The following GFM1 variants were observed in gnomAD, a reference collection of about 807,000 sequenced individuals.
GFM1 encodes elongation factor G, mitochondrial.
A neutral mutation model predicts 96.2 loss-of-function variants in GFM1; 62 were observed. That is an observed-to-expected ratio of 0.64 (90% confidence interval 0.53 to 0.80). The LOEUF (loss-of-function observed/expected upper bound fraction) is 0.80, where lower values mean the gene tolerates loss of function less well. Ranked by LOEUF, GFM1 falls within the 30% of genes least tolerant of loss-of-function variation. The pLI is 0.00. For missense variants in GFM1, 852 were observed against 916.6 expected, an observed-to-expected ratio of 0.93 and a Z score of 0.91; for synonymous variants, 282 against 312.9, an observed-to-expected ratio of 0.90 and a Z score of 1.04.
intron 13 of GFM1, chr3:158,672,579 G>A: frequency 6.8e-7 from 1 of 1,481,102 alleles, no homozygotes; most frequent in Non-Finnish European, 9.2e-7. Flanking sequence ...GGTTGCCGAG[G>A]CGGAAAAGTC....
chr3:158,673,510 T>TTTC (rs201709894), intron 13 of GFM1, among the ~76,000 whole-genome samples: 107 of 128,128 alleles, frequency 8.4e-4, no homozygotes, highest in African/African-American at 2.5e-3. Context: ...TTTCTTTTCT[T>TTTC]TTTTTTTTTT....
chr3:158,690,953 A>G (rs1319800947), intron 16 of GFM1, among the ~76,000 whole-genome samples, 186 bp from the exon 17 acceptor site: 1 of 152,220 alleles, frequency 6.6e-6, no homozygotes, highest in East Asian at 1.9e-4. Context: ...AAATGAAATA[A>G]TTTTCAAATA....
intron 13 of GFM1, among the ~76,000 whole-genome samples, chr3:158,670,268 C>A (rs1425001679): frequency 6.6e-6 from 1 of 152,158 alleles, no homozygotes; most frequent in Non-Finnish European, 1.5e-5. Context: ...ACTGAAAGAT[C>A]TTCATCTGAA....
chr3:158,648,715 C>G (rs1490618973), intron 4 of GFM1, among the ~76,000 whole-genome samples: 1 of 149,008 alleles, frequency 6.7e-6, no homozygotes, highest in Non-Finnish European at 1.5e-5. Flanking sequence ...GTGGGCTCAG[C>G]TATCCTACTA....
rs1576745248 is a variant in GFM1 at position 158,658,982 on chromosome 3, GACACCATCTATA to G, written c.1149_1160del (p.Ile384_Thr387del). ...TTATCAGGGAGAGCTAAAGAAGGGT[GACACCATCTATA>G]ACACAAGGACAAGAAAGAAAGTACG... On this transcript the variant is annotated inframe_deletion, in exon 9 of 18. Coordinates refer to ENST00000486715, the MANE Select transcript of GFM1 (RefSeq NM_024996.7). 1 of 1,614,106 alleles carries G rather than the reference GACACCATCTATA, an allele frequency of 6.2e-7. No homozygotes were observed.
intron 13 of GFM1, among the ~76,000 whole-genome samples, chr3:158,667,528 A>G (rs1485274694): frequency 1.6e-4 from 25 of 152,258 alleles, no homozygotes; most frequent in Admixed American, 1.6e-3. Context: ...GCTCACACCT[A>G]TAATCCGAGC....
In GFM1 at chr3:158,653,198, C is replaced by T. The variant is rs149472638; in HGVS notation, c.841-112C>T. Reference sequence around the variant, plus strand: ...ACCTGATTTTAGTCTCTATTAGAGTCAGCACTCCAAAGAGTAGAGTATCAG... The same window carrying T: ...ACCTGATTTTAGTCTCTATTAGAGTTAGCACTCCAAAGAGTAGAGTATCAG... On this transcript the variant is annotated intron_variant, in intron 6 of 17. Coordinates refer to ENST00000486715, the MANE Select transcript of GFM1 (RefSeq NM_024996.7). 4.1e-4 allele frequency: 341 copies of T among 830,800 alleles called. 4 individuals are homozygous for T. The East Asian group carries it at 8.2e-3, about 20-fold the overall frequency. 51.5% of individuals were successfully genotyped at this position (830,800 alleles called of 1,614,324 possible).
intron 13 of GFM1, chr3:158,672,524 G>C (rs1724441370): frequency 5.6e-6 from 9 of 1,609,440 alleles, no homozygotes; most frequent in Non-Finnish European, 7.6e-6. Context: ...CTGGCTTAAC[G>C]GGACCAGTAG....
chr3:158,680,491 G>A (rs9842500), intron 13 of GFM1, among the ~76,000 whole-genome samples: 6 of 151,674 alleles, frequency 4.0e-5, no homozygotes, highest in Non-Finnish European at 1.5e-5. Context: ...TAGCACCTTC[G>A]GTTAGCTTTT....
At chr3:158,670,325 C>T (rs992558367) in intron 13 of GFM1, among the ~76,000 whole-genome samples, 5 of 152,144 alleles carry the variant, frequency 3.3e-5, no homozygotes, top group Non-Finnish European at 4.4e-5. Context: ...TCTAAGAGCA[C>T]GTTCTTTCTC....
At chr3:158,669,110 T>C (rs1216976343) in intron 13 of GFM1, 1 of 1,613,496 alleles carries the variant, frequency 6.2e-7, no homozygotes, top group African/African-American at 1.3e-5. Context: ...GCGTCATTTC[T>C]GGAGATACAT....
chr3:158,659,846 A>C (rs1301877954), intron 9 of GFM1, among the ~76,000 whole-genome samples: 3 of 152,218 alleles, frequency 2.0e-5, no homozygotes, highest in Admixed American at 6.5e-5. Flanking sequence ...AAAACCCGAC[A>C]GCGTTGCTGT....
At chr3:158,675,380 T>C (rs1724803426) in intron 13 of GFM1, among the ~76,000 whole-genome samples, 1 of 151,228 alleles carries the variant, frequency 6.6e-6, no homozygotes, top group African/African-American at 2.4e-5. Context: ...GTTTATAAAT[T>C]ATATTTTTAA....
Position 158,665,358 on chromosome 3 carries a change from A to C in GFM1, c.1402A>C (p.Lys468Gln). 2.5e-6 allele frequency: 4 copies of C among 1,611,252 alleles called. No individual in the cohort carries two copies. In the South Asian group the frequency reaches 3.3e-5, roughly 13 times the overall value. The change falls in exon 12 of 18, where the codon AAA becomes CAA. Residue 468 changes from lysine (K) to glutamine (Q), a missense_variant. Physicochemically the swap from Lys to Gln is moderately conservative, Grantham distance 53. Coordinates refer to ENST00000486715, the MANE Select transcript of GFM1 (RefSeq NM_024996.7). Reference protein sequence around the residue: ...SNKNDLEKFSKGIGRFTREDP... With the variant: ...SNKNDLEKFSQGIGRFTREDP... ...AAAGAACGATCTGGAAAAATTTTCA[A>C]AAGGTATTGGCAGGTTTACAAGAGA...
chr3:158,689,415 T>A (rs1194247915), intron 15 of GFM1, among the ~76,000 whole-genome samples: 1 of 152,150 alleles, frequency 6.6e-6, no homozygotes, highest in Non-Finnish European at 1.5e-5. Flanking sequence ...GATGAAATTG[T>A]TCAGACTAGA....
chr3:158,667,117 T>C (rs1247979914), intron 13 of GFM1: 1 of 1,511,866 alleles, frequency 6.6e-7, no homozygotes, highest in Non-Finnish European at 8.9e-7. Flanking sequence ...ACTTAATATC[T>C]TTGGCAAAAA....
chr3:158,667,548 G>A (rs906647158), intron 13 of GFM1, among the ~76,000 whole-genome samples: 1 of 152,200 alleles, frequency 6.6e-6, no homozygotes, highest in Non-Finnish European at 1.5e-5. Context: ...CACTTTGCGG[G>A]GCTGAGGTAG....
intron 13 of GFM1, chr3:158,668,951 T>C (rs748636331): frequency 1.4e-6 from 2 of 1,477,722 alleles, no homozygotes; most frequent in Non-Finnish European, 1.8e-6. Context: ...ATACTTTCGA[T>C]AAATATTAAC....
chr3:158,646,062 C>T (rs1721764017), intron 2 of GFM1, 103 bp from the exon 3 acceptor site: 1 of 1,392,198 alleles, frequency 7.2e-7, no homozygotes, highest in Admixed American at 1.7e-5. Context: ...GGATTATAGG[C>T]ATGAGCCACT....
Sources: allele counts gnomAD v4.1 joint callset (sites outside exome capture counted in the v4.1 genomes callset), GRCh38; gene constraint gnomAD v4.1.1; transcripts MANE v1.5; gene names NCBI Gene and HGNC (gene_info 2026-07-23, HGNC 2026-07-21).